The following ARHGAP15 variants were observed in gnomAD, a reference collection of about 807,000 sequenced individuals.
ARHGAP15 encodes the protein rho GTPase-activating protein 15.
A neutral mutation model predicts 63.7 loss-of-function variants in ARHGAP15; 51 were observed. The observed-to-expected ratio is 0.80, with a 90% CI of 0.64 to 1.01. The LOEUF is 1.01. ARHGAP15 is among the 50% of genes least tolerant of loss of function. The pLI, the probability that ARHGAP15 is intolerant of heterozygous loss-of-function variation, is 0.00. For missense variants in ARHGAP15, 560 were observed against 564.6 expected, an observed-to-expected ratio of 0.99 and a Z score of 0.08; for synonymous variants, 191 against 193.8, an observed-to-expected ratio of 0.99 and a Z score of 0.12.
chr2:143,549,025 C>T (rs1181526501), intron 10 of ARHGAP15, among the ~76,000 whole-genome samples: 2 of 152,080 alleles, frequency 1.3e-5, no homozygotes, highest in Non-Finnish European at 2.9e-5. Context: ...GAGAGATGTA[C>T]TGAAACCCTG....
At chr2:143,733,776 A>G (rs969026942) in intron 13 of ARHGAP15, among the ~76,000 whole-genome samples, 4 of 152,152 alleles carry the variant, frequency 2.6e-5, no homozygotes, top group African/African-American at 9.7e-5. Context: ...ACCCCTACCT[A>G]ATAAGATAAA....
At chr2:143,225,445 C>T (rs1300559497) in intron 4 of ARHGAP15, among the ~76,000 whole-genome samples, 1 of 151,984 alleles carries the variant, frequency 6.6e-6, no homozygotes, top group African/African-American at 2.4e-5. Flanking sequence ...ATTAAAAGTA[C>T]AAAAAATTAG....
intron 5 of ARHGAP15, among the ~76,000 whole-genome samples, chr2:143,235,242 GTT>G (rs11447778): frequency 2.2e-5 from 3 of 136,002 alleles, no homozygotes; most frequent in Admixed American, 7.3e-5. Flanking sequence ...TAGTAGAGTT[GTT>G]TTTTTTTTTT....
chr2:143,331,603 G>A (rs1205165827), intron 6 of ARHGAP15, among the ~76,000 whole-genome samples: 1 of 152,122 alleles, frequency 6.6e-6, no homozygotes, highest in Non-Finnish European at 1.5e-5. Context: ...TCAGATTTTA[G>A]CAGCAAGGAT....
chr2:143,679,616 G>A (rs1450990832), intron 12 of ARHGAP15, among the ~76,000 whole-genome samples: 1 of 151,348 alleles, frequency 6.6e-6, no homozygotes, highest in Non-Finnish European at 1.5e-5. Flanking sequence ...CTTTTTTATA[G>A]ATGTTGTTTA....
chr2:143,283,374 AGAT>A (rs1681949208), intron 6 of ARHGAP15, among the ~76,000 whole-genome samples: 1 of 152,186 alleles, frequency 6.6e-6, no homozygotes, highest in Non-Finnish European at 1.5e-5. Context: ...TTTAAAGTAG[AGAT>A]GATCTGTCTG....
intron 13 of ARHGAP15, among the ~76,000 whole-genome samples, chr2:143,726,587 C>A (rs1047240596): frequency 1.3e-5 from 2 of 152,172 alleles, no homozygotes; most frequent in African/African-American, 4.8e-5. Flanking sequence ...TACATGGAGA[C>A]GTTTGATCTA....
chr2:143,299,475 A>G (rs1038015549), intron 6 of ARHGAP15, among the ~76,000 whole-genome samples: 2 of 152,104 alleles, frequency 1.3e-5, no homozygotes, highest in African/African-American at 2.4e-5. Context: ...CATATATTAC[A>G]TTATGTAATG....
intron 2 of ARHGAP15, among the ~76,000 whole-genome samples, chr2:143,180,261 G>A (rs191637): frequency 0.64 from 97,536 of 152,118 alleles, 31,628 homozygotes; most frequent in Non-Finnish European, 0.68. Context: ...AAATTTTGTC[G>A]TTCCAGCGAC....
At chr2:143,379,471 G>A (rs1371128461) in intron 6 of ARHGAP15, among the ~76,000 whole-genome samples, 3 of 140,156 alleles carry the variant, frequency 2.1e-5, no homozygotes, top group Non-Finnish European at 1.6e-5. Flanking sequence ...TAACAAGGTG[G>A]TTTTTAGGCA....
At chr2:143,599,817 T>C (rs1254502426) in intron 11 of ARHGAP15, among the ~76,000 whole-genome samples, 2 of 152,204 alleles carry the variant, frequency 1.3e-5, no homozygotes, top group East Asian at 3.8e-4. Context: ...TTTTGCTATT[T>C]CTTATATTGT....
At chr2:143,444,617 G>A (rs1292981019) in intron 8 of ARHGAP15, among the ~76,000 whole-genome samples, 1 of 152,056 alleles carries the variant, frequency 6.6e-6, no homozygotes, top group Non-Finnish European at 1.5e-5. Flanking sequence ...TTCTAAAGAA[G>A]TAATTTGCTT....
intron 9 of ARHGAP15, among the ~76,000 whole-genome samples, chr2:143,515,002 C>T (rs183328521): frequency 2.0e-5 from 3 of 152,160 alleles, no homozygotes; most frequent in Admixed American, 1.3e-4. Context: ...TTGGGTGGTA[C>T]GAGATGGTTC....
At chr2:143,135,874 T>A (rs1037762646) in intron 1 of ARHGAP15, among the ~76,000 whole-genome samples, 1 of 152,192 alleles carries the variant, frequency 6.6e-6, no homozygotes, top group Non-Finnish European at 1.5e-5. Context: ...GCGGTTTTAT[T>A]TAGTTTCATG....
rs1273161553 is a variant in ARHGAP15 at position 143,606,056 on chromosome 2, AAAAAAAAAAAAAAAG to A, written c.1004-18076_1004-18062del. 5.1e-4 allele frequency among the ~76,000 whole-genome samples: 69 copies of A among 135,656 alleles called. 3 individuals are homozygous for A. The highest frequency in any genetic ancestry group is 1.0e-3 in the Admixed American group (14 of 13,820). The allele number at this position is 135,656 out of a possible 152,430, so 89.0% of individuals were successfully genotyped here. A position where few individuals can be genotyped will look rare whatever the true frequency, so the allele number is the denominator to read the frequency against. On this transcript the variant is annotated intron_variant, in intron 11 of 13. Transcript: ENST00000295095. ...GTCTCAAAAAAAAAAAAAAAAAAAA[AAAAAAAAAAAAAAAG>A]CCATACATCTGTCTCTTTCGCTACC...
At chr2:143,720,115 T>C (rs779797102) in intron 13 of ARHGAP15, among the ~76,000 whole-genome samples, 5 of 152,076 alleles carry the variant, frequency 3.3e-5, no homozygotes, top group Non-Finnish European at 7.4e-5. Flanking sequence ...GTTAGTTGTA[T>C]GTAGGATTGT....
intron 8 of ARHGAP15, among the ~76,000 whole-genome samples, chr2:143,464,344 A>T (rs551369413): frequency 2.6e-5 from 4 of 152,218 alleles, no homozygotes; most frequent in African/African-American, 9.6e-5. Flanking sequence ...ACTTGATAGA[A>T]ATAAAGAATA....
intron 2 of ARHGAP15, among the ~76,000 whole-genome samples, chr2:143,175,364 G>T (rs1267494484): frequency 6.6e-6 from 1 of 152,172 alleles, no homozygotes; most frequent in Admixed American, 6.6e-5. Flanking sequence ...GCTAAGTTTT[G>T]GGACAGGAAG....
intron 2 of ARHGAP15, among the ~76,000 whole-genome samples, chr2:143,165,918 T>A (rs1261423140): frequency 2.0e-5 from 2 of 99,706 alleles, no homozygotes; most frequent in African/African-American, 7.2e-5. Context: ...CCTCCATGCC[T>A]TTAACGTCAA....
Sources: gnomAD v4.1 joint callset for allele counts (sites outside exome capture counted in the v4.1 genomes callset) on GRCh38, gnomAD v4.1.1 for gene constraint, MANE v1.5 for transcripts, NCBI Gene and HGNC (gene_info 2026-07-23, HGNC 2026-07-21) for gene names.